Variants in TTC6 observed in about 807,000 individuals in gnomAD.
The protein encoded by TTC6 is tetratricopeptide repeat protein 6.
Under a neutral mutation model 210.4 loss-of-function variants are expected in TTC6, and 172 were observed. The observed-to-expected ratio is 0.82, with a 90% CI of 0.72 to 0.93. The LOEUF (loss-of-function observed/expected upper bound fraction) is 0.93. TTC6 is among the 40% of genes least tolerant of loss of function. The pLI is 0.00. For missense variants in TTC6, 2,414 were observed against 2,318.1 expected (o/e 1.04, Z -0.85); for synonymous variants, 804 against 819.6 (o/e 0.98, Z 0.32).
At chr14:37,780,467 T>C (rs1340492649) in intron 14 of TTC6, among the ~76,000 whole-genome samples, 7 of 152,198 alleles carry the variant, frequency 4.6e-5, no homozygotes, top group African/African-American at 1.7e-4. Context: ...GTTGTCATCA[T>C]TCAGCTCCCA....
chr14:37,600,148 G>T (rs1247591397), intron 1 of TTC6, among the ~76,000 whole-genome samples: 1 of 152,204 alleles, frequency 6.6e-6, no homozygotes, highest in African/African-American at 2.4e-5. Flanking sequence ...CACCTCTTAG[G>T]TATCCGTTAG....
intron 6 of TTC6, among the ~76,000 whole-genome samples, chr14:37,715,025 C>G (rs2095850308): frequency 2.0e-5 from 3 of 152,018 alleles, no homozygotes; most frequent in Admixed American, 2.0e-4. Context: ...AAATAATAAC[C>G]CAGCCTGGTG....
At chr14:37,626,244 A>G (rs1239181115) in intron 1 of TTC6, among the ~76,000 whole-genome samples, 1 of 152,204 alleles carries the variant, frequency 6.6e-6, no homozygotes, top group Non-Finnish European at 1.5e-5. Flanking sequence ...AGTCACAAAA[A>G]TACATTCTAA....
Position 37,706,898 on chromosome 14 carries a change from A to AT in TTC6, c.1571+5380dup, listed in dbSNP as rs541407322. Among the ~76,000 whole-genome samples the AT allele has an allele frequency of 4.1e-3, 615 of 151,816 alleles. 8 individuals carry two copies. In the Middle Eastern group the frequency reaches 0.068, roughly 17 times the overall value. On this transcript the variant is annotated intron_variant, in intron 5 of 30. Coordinates refer to ENST00000553443, the Ensembl canonical transcript of TTC6. ...TTAAATATTTTTTGAGCTTATCAGA[A>AT]TTTTTTTTCTGATAGGTTTTTTTCT... is the stretch of plus-strand genomic sequence containing the variant.
At chr14:37,796,245 G>A in intron 18 of TTC6, 49 bp from the exon 21 acceptor site, 4 of 822,790 alleles carry the variant, frequency 4.9e-6, no homozygotes, top group Non-Finnish European at 7.6e-6. Flanking sequence ...CTTTATTTTA[G>A]AAAGTTAATT....
At chr14:37,730,072 T>C (rs185120141) in intron 7 of TTC6, among the ~76,000 whole-genome samples, 92 of 152,236 alleles carry the variant, frequency 6.0e-4, no homozygotes, top group Middle Eastern at 3.4e-3. Context: ...AAAAGATAGC[T>C]CAAGCTCACC....
intron 3 of TTC6, among the ~76,000 whole-genome samples, chr14:37,694,962 G>A (rs2095811812): frequency 6.8e-6 from 1 of 148,032 alleles, no homozygotes; most frequent in South Asian, 2.1e-4. Flanking sequence ...GATCAGTGGA[G>A]CCCAAGAGGT....
intron 14 of TTC6, among the ~76,000 whole-genome samples, chr14:37,786,751 T>G (rs1187173624): frequency 2.0e-5 from 3 of 152,230 alleles, no homozygotes; most frequent in Middle Eastern, 3.2e-3. Flanking sequence ...GCTGTTCCTA[T>G]TTGACCATCT....
At chr14:37,708,992 T>C (rs1052074755) in intron 5 of TTC6, among the ~76,000 whole-genome samples, 27 of 152,048 alleles carry the variant, frequency 1.8e-4, no homozygotes, top group African/African-American at 6.5e-4. Flanking sequence ...CTAATTACAG[T>C]ACACCCAGGA....
At chr14:37,749,270 G>A (rs1566929074) in exon 11 of TTC6, 1 of 1,525,294 alleles carries the variant, frequency 6.6e-7, no homozygotes, top group East Asian at 2.5e-5. Flanking sequence ...TAAATATTAT[G>A]AATCTGAAGT....
chr14:37,730,502 A>C (rs1051376872), intron 7 of TTC6, among the ~76,000 whole-genome samples: 1 of 152,222 alleles, frequency 6.6e-6, no homozygotes, highest in African/African-American at 2.4e-5. Flanking sequence ...TGATAATTTT[A>C]ATGTTCACTC....
intron 2 of TTC6, among the ~76,000 whole-genome samples, chr14:37,613,652 A>G (rs2095638160): frequency 6.6e-6 from 1 of 152,102 alleles, no homozygotes; most frequent in African/African-American, 2.4e-5. Context: ...ATTTTTTAAA[A>G]ATATAGAGCT....
Position 37,745,481 on chromosome 14 carries a change from C to T in TTC6, c.2364-3458C>T, listed in dbSNP as rs970794576. ...TGTGAGATGGGATGAGGACAGTTTC[C>T]GAGATTTCCACTTGGCCCTTACTAC... On this transcript the variant is annotated intron_variant, in intron 10 of 30. Transcript: ENST00000553443. Among the ~76,000 whole-genome samples, 8 of 152,160 alleles carry T rather than the reference C, an allele frequency of 5.3e-5. No individual in the cohort carries two copies. In the East Asian group the frequency reaches 5.8e-4, roughly 11 times the overall value.
intron 14 of TTC6, among the ~76,000 whole-genome samples, chr14:37,775,913 G>C (rs1427043621): frequency 6.6e-6 from 1 of 151,898 alleles, no homozygotes; most frequent in East Asian, 1.9e-4. Flanking sequence ...TTTAAAGTCT[G>C]TTTTGTTTTA....
intron 29 of TTC6, among the ~76,000 whole-genome samples, chr14:37,836,497 G>A (rs1362712130): frequency 6.6e-6 from 1 of 152,140 alleles, no homozygotes; most frequent in Non-Finnish European, 1.5e-5. Flanking sequence ...GCATCATGTA[G>A]AAAAGTATTT....
At chr14:37,700,284 C>T (rs1475740849) in intron 4 of TTC6, among the ~76,000 whole-genome samples, 1 of 152,158 alleles carries the variant, frequency 6.6e-6, no homozygotes, top group Non-Finnish European at 1.5e-5. Flanking sequence ...GGCTTACCCA[C>T]TAATTTTGTG....
In TTC6 at chr14:37,760,298, C is replaced by T. The variant is rs566276282; in HGVS notation, c.3266+7063C>T. 7.9e-5 allele frequency among the ~76,000 whole-genome samples: 12 copies of T among 152,294 alleles called. No individual in the cohort carries two copies. The South Asian group carries it at 8.3e-4, about 11-fold the overall frequency. On this transcript the variant is annotated intron_variant, in intron 14 of 30. Coordinates refer to ENST00000553443, the Ensembl canonical transcript of TTC6. ...GCTGCAGTTTGCTGGAGGTTCACTT[C>T]AGAACCTGTTTGCCTGGGTATCACC...
intron 1 of TTC6, among the ~76,000 whole-genome samples, chr14:37,672,413 A>ATGTTTCTGGAACTACTATAG (rs2095760073): frequency 6.6e-6 from 1 of 152,176 alleles, no homozygotes; most frequent in Non-Finnish European, 1.5e-5. Context: ...GAAAAACATT[A>ATGTTTCTGGAACTACTATAG]TTCTTCGTCT....
chr14:37,682,969 G>A lies in TTC6; in HGVS notation c.1257+5G>A. On this transcript the variant is annotated splice_donor_5th_base_variant and intron_variant, in intron 3 of 30. Transcript: ENST00000553443. The stretch of plus-strand genomic sequence containing the variant: ...GCCAAGTGGGTGTCTTTAACGGTAA[G>A]AAACTATTTATGTTGGAAACACCTA... 6.5e-7 allele frequency: 1 copy of A among 1,534,358 alleles called. No homozygotes were observed. Among genetic ancestry groups the A allele is most frequent in the African/African-American group, 1.4e-5 (1 of 73,054 alleles).
Sources: allele counts gnomAD v4.1 joint callset (sites outside exome capture counted in the v4.1 genomes callset), GRCh38; gene constraint gnomAD v4.1.1; transcripts MANE v1.5; gene names NCBI Gene and HGNC (gene_info 2026-07-23, HGNC 2026-07-21).